The following POU4F2 variants were observed in gnomAD, a reference collection of about 807,000 sequenced individuals.
POU4F2 encodes POU domain, class 4, transcription factor 2.
A neutral mutation model predicts 21.5 loss-of-function variants in POU4F2; 10 were observed. The ratio of observed to expected loss-of-function variants is 0.46; its 90% CI spans 0.29 to 0.79. The LOEUF is 0.79. Among genes scored for constraint, POU4F2 ranks in the 30% least tolerant of loss-of-function variants. The pLI is 0.10. For synonymous variants in POU4F2, 324 were observed against 271.1 expected (o/e 1.20, Z -1.92); for missense variants, 623 against 603.3 (o/e 1.03, Z -0.34).
Position 146,640,185 on chromosome 4 carries a change from G to C in POU4F2, c.607G>C (p.Gly203Arg). ...GCACCTGAGTCCCGGGCTGGCCCTG[G>C]GCGCTATGGCGGGCCCCGACGGCGC... ...LEHLSPGLAL[G>R]AMAGPDGAVV... The change falls in exon 2 of 2, where the codon GGC (glycine) becomes CGC (arginine). Residue 203 changes from glycine to arginine, a missense_variant. Transcript: ENST00000281321. The surrounding 1 kb of genome is among the most constrained non-coding windows in gnomAD (Gnocchi z 4.8). The C allele has an allele frequency of 6.3e-7, 1 of 1,587,890 alleles. No individual in the cohort carries two copies. Among genetic ancestry groups the C allele is most frequent in the African/African-American group, 1.3e-5 (1 of 74,678 alleles).
In POU4F2 at chr4:146,639,213, A is replaced by G. The variant is rs756986974; in HGVS notation, c.73A>G (p.Lys25Glu). 6 of 1,606,732 alleles carry G rather than the reference A, an allele frequency of 3.7e-6. No homozygotes were observed. The highest frequency in any genetic ancestry group is 2.2e-5 in the South Asian group (2 of 90,114). The change falls in exon 1 of 2, where the codon AAG becomes GAG. Residue 25 changes from lysine to glutamate, a missense_variant. Transcript: ENST00000281321. ...PHGGSLHVEP[K>E]YSALHSTSPG... is the part of the protein sequence containing the mutation. ...CGGCGGCAGCCTGCACGTGGAGCCCAAGTACTCGGCACTGCACAGCACCTC... is the reference window on the plus strand; with the variant it reads ...CGGCGGCAGCCTGCACGTGGAGCCCGAGTACTCGGCACTGCACAGCACCTC...
chr4:146,640,627 C>G lies in POU4F2; in HGVS notation c.1049C>G (p.Thr350Arg). The G allele has an allele frequency of 2.5e-6, 4 of 1,614,232 alleles. No homozygotes were observed. The highest frequency in any genetic ancestry group is 3.4e-6 in the Non-Finnish European group (4 of 1,180,026). The change falls in exon 2 of 2, where the codon ACG becomes AGG. Residue 350 changes from threonine (T) to arginine (R), a missense_variant. Thr to Arg is a moderately conservative substitution (Grantham distance 71). Transcript: ENST00000281321. This position sits in a 1 kb window ranked among gnomAD's most constrained non-coding sequence, Gnocchi z 4.8. ...GGCGCGGAGAAGAAGCGCAAGCGCACGTCCATCGCTGCGCCAGAGAAGCGC... is the reference window on the plus strand; with the variant it reads ...GGCGCGGAGAAGAAGCGCAAGCGCAGGTCCATCGCTGCGCCAGAGAAGCGC... The part of the protein sequence containing the change: ...FNGAEKKRKR[T>R]SIAAPEKRSL...
Position 146,640,566 on chromosome 4 carries a change from C to T in POU4F2, c.988C>T (p.His330Tyr), listed in dbSNP as rs780725416. 4.3e-5 allele frequency: 69 copies of T among 1,613,660 alleles called. No individual in the cohort carries two copies. Among genetic ancestry groups the T allele is most frequent in the Non-Finnish European group, 5.8e-5 (68 of 1,179,758 alleles). The change falls in exon 2 of 2, where the codon CAC (histidine) becomes TAC (tyrosine). Residue 330 changes from histidine (H) to tyrosine (Y), a missense_variant. His to Tyr is a moderately conservative substitution (Grantham distance 83, BLOSUM62 2). Transcript: ENST00000281321. The surrounding 1 kb of genome is among the most constrained non-coding windows in gnomAD (Gnocchi z 4.8). ...ATGGCTCGAGGAGGCCGAGAAGTCC[C>T]ACCGCGAGAAGCTCACCAAGCCTGA... ...QAWLEEAEKSHREKLTKPELF... is the reference protein window; with the variant it reads ...QAWLEEAEKSYREKLTKPELF...
Position 146,642,297 on chromosome 4 carries a change from G to C in POU4F2, c.*1489G>C, listed in dbSNP as rs1017495852. On this transcript the variant is annotated 3_prime_UTR_variant, in exon 2 of 2. Transcript: ENST00000281321. Reference sequence around the variant, plus strand: ...GAGGCTCTCCAAAGTCTTGAGTTCTGTATATGGCCTGGTTTCTTGTTTTTA... The same window carrying C: ...GAGGCTCTCCAAAGTCTTGAGTTCTCTATATGGCCTGGTTTCTTGTTTTTA... The C allele has an allele frequency of 2.0e-5, 3 of 152,124 alleles. No homozygotes were observed. The highest frequency in any genetic ancestry group is 1.3e-4 in the Admixed American group (2 of 15,274). The allele number at this position is 152,124 out of a possible 1,614,324, so 9.4% of individuals were successfully genotyped here.
Position 146,642,032 on chromosome 4 carries a change from A to G in POU4F2, c.*1224A>G, listed in dbSNP as rs900359929. ...AGTTTTCAATTGCTTTGTTGGCTAC[A>G]TGTTAATATTTATAGGAATACTTCA... On this transcript the variant is annotated 3_prime_UTR_variant, in exon 2 of 2. Coordinates refer to ENST00000281321, the MANE Select transcript of POU4F2 (RefSeq NM_004575.3). 4 of 152,612 alleles carry G rather than the reference A, an allele frequency of 2.6e-5. No individual in the cohort carries two copies. The highest frequency in any genetic ancestry group is 7.2e-5 in the African/African-American group (3 of 41,446). The allele number at this position is 152,612 out of a possible 1,614,324, so 9.5% of individuals were successfully genotyped here. A position where few individuals can be genotyped will look rare whatever the true frequency, so the allele number is the denominator to read the frequency against.
In POU4F2 at chr4:146,639,338, C is replaced by CGGA. The variant is rs753272645; in HGVS notation, c.201_203dup (p.Gly68dup). 3.5e-6 allele frequency: 5 copies of CGGA among 1,441,046 alleles called. No homozygotes were observed. The highest frequency in any genetic ancestry group is 4.6e-6 in the Non-Finnish European group (5 of 1,084,572). The allele number at this position is 1,441,046 out of a possible 1,614,324, so 89.3% of individuals were successfully genotyped here. On this transcript the variant is annotated inframe_insertion, in exon 1 of 2. Transcript: ENST00000281321. ...GCGGCGGCGGCGGCGGCGGCGGCGG[C>CGGA]GGAGGCCGAAGCAGCAGCTCCAGCA... is the stretch of plus-strand genomic sequence containing the variant.
Position 146,639,177 on chromosome 4 carries a change from A to C in POU4F2, c.37A>C (p.Ser13Arg). The C allele has an allele frequency of 6.2e-7, 1 of 1,607,744 alleles. No individual in the cohort carries two copies. The highest frequency in any genetic ancestry group is 1.1e-5 in the South Asian group (1 of 90,218). The change falls in exon 1 of 2, where the codon AGC becomes CGC. Residue 13 changes from serine to arginine, a missense_variant. Ser to Arg is a moderately radical substitution (Grantham distance 110, BLOSUM62 -1). This residue lies in a region of POU4F2 where 94 missense variants were observed against 74.1 expected (regional missense o/e 1.27). Coordinates refer to ENST00000281321, the MANE Select transcript of POU4F2 (RefSeq NM_004575.3). ...GTCCCTGAACAGCAAGCAGGCGTTT[A>C]GCATGCCGCACGGCGGCAGCCTGCA... is the stretch of plus-strand genomic sequence containing the variant. Reference protein sequence around the residue: ...MMSLNSKQAFSMPHGGSLHVE... With the variant: ...MMSLNSKQAFRMPHGGSLHVE...
Position 146,640,911 on chromosome 4 carries a change from A to G in POU4F2, c.*103A>G. The G allele has an allele frequency of 2.4e-6, 3 of 1,249,050 alleles. No homozygotes were observed. The highest frequency in any genetic ancestry group is 3.2e-6 in the Non-Finnish European group (3 of 923,560). 77.4% of individuals were successfully genotyped at this position (1,249,050 alleles called of 1,614,324 possible). On this transcript the variant is annotated 3_prime_UTR_variant, in exon 2 of 2. Coordinates refer to ENST00000281321, the MANE Select transcript of POU4F2 (RefSeq NM_004575.3). This position sits in a 1 kb window ranked among gnomAD's most constrained non-coding sequence, Gnocchi z 4.8. ...TGGCGACTAGAAACAATTCCAGTAA[A>G]TGTGAATCTCGACAAATCGAGGACT...
At chr4:146,639,451 C>T (rs767468999) in intron 1 of POU4F2, 23 bp downstream of exon 1, 1 of 1,451,624 alleles carries the variant, frequency 6.9e-7, no homozygotes, top group South Asian at 1.6e-5. Context: ...GCATAATCAC[C>T]GCTTAAAGGC....
In POU4F2 at chr4:146,639,066, C is replaced by T. The variant is rs1247315971; in HGVS notation, c.-75C>T. 5 of 1,537,090 alleles carry T rather than the reference C, an allele frequency of 3.3e-6. No homozygotes were observed. The African/African-American group carries it at 5.8e-5, about 18-fold the overall frequency. ...TTCCCAGCTCCAGCCCCGGCTGGCC[C>T]GGCACTTCTCGGAGGGTCCCGGCAG... On this transcript the variant is annotated 5_prime_UTR_variant, in exon 1 of 2. Transcript: ENST00000281321.
rs1267711844 is a variant in POU4F2 at position 146,640,000 on chromosome 4, C to T, written c.422C>T (p.Thr141Ile). The change falls in exon 2 of 2, where the codon ACC (threonine) becomes ATC (isoleucine). Residue 141 changes from threonine (T) to isoleucine (I), a missense_variant. By Grantham distance (89) the Thr-to-Ile change is moderately conservative. Around this residue, in one of 3 missense-constraint regions of POU4F2, gnomAD observed 523 missense variants for 504.1 expected, o/e 1.04. Transcript: ENST00000281321. Reference protein sequence around the residue: ...PHHSPFKPDATYHTMNTIPCT... With the variant: ...PHHSPFKPDAIYHTMNTIPCT... ...CACAGCCCCTTCAAACCGGACGCCA[C>T]CTACCACACTATGAATACCATCCCG... is the stretch of plus-strand genomic sequence containing the variant. 6 of 1,612,648 alleles carry T rather than the reference C, an allele frequency of 3.7e-6. No individual in the cohort carries two copies. Among genetic ancestry groups the T allele is most frequent in the Non-Finnish European group, 5.1e-6 (6 of 1,179,866 alleles).
Position 146,641,371 on chromosome 4 carries a change from C to T in POU4F2, c.*563C>T, listed in dbSNP as rs926367864. ...TTATATATATATTTTTATTGTGGTTCTTACCCCCTTTTCCTTCTCTGAAGT... is the reference window on the plus strand; with the variant it reads ...TTATATATATATTTTTATTGTGGTTTTTACCCCCTTTTCCTTCTCTGAAGT... On this transcript the variant is annotated 3_prime_UTR_variant, in exon 2 of 2. Coordinates refer to ENST00000281321, the MANE Select transcript of POU4F2 (RefSeq NM_004575.3). The T allele has an allele frequency of 2.6e-5, 4 of 152,506 alleles. No individual in the cohort carries two copies. The highest frequency in any genetic ancestry group is 9.7e-5 in the African/African-American group (4 of 41,396). The allele number at this position is 152,506 out of a possible 1,614,324, so 9.4% of individuals were successfully genotyped here. A position where few individuals can be genotyped will look rare whatever the true frequency, so the allele number is the denominator to read the frequency against.
chr4:146,640,106 TCACCACCAC>T lies in POU4F2; in HGVS notation c.540_548del (p.His180_His182del), dbSNP rs746997301. ...CGGGCACGCACCACCACCACCACCA[TCACCACCAC>T]CACCACCACCAACCGCACCAGGCGC... On this transcript the variant is annotated inframe_deletion, in exon 2 of 2. Coordinates refer to ENST00000281321, the MANE Select transcript of POU4F2 (RefSeq NM_004575.3). This position sits in a 1 kb window ranked among gnomAD's most constrained non-coding sequence, Gnocchi z 4.8. The T allele has an allele frequency of 1.3e-6, 2 of 1,599,240 alleles. No homozygotes were observed. The highest frequency in any genetic ancestry group is 2.2e-5 in the East Asian group (1 of 44,634).
rs201496393 is a variant in POU4F2 at position 146,639,874 on chromosome 4, T to C, written c.296T>C (p.Ile99Thr). ...TTCTACTTACAATTGCAGAGCAATA[T>C]ATTCGGCGGGCTGGATGAGAGTCTG... ...RACLPTPPSN[I>T]FGGLDESLLA... The change falls in exon 2 of 2, where the codon ATA becomes ACA. Residue 99 changes from isoleucine to threonine, a missense_variant. This residue lies in a region of POU4F2 where 523 missense variants were observed against 504.1 expected (regional missense o/e 1.04). Transcript: ENST00000281321. 8 of 1,541,332 alleles carry C rather than the reference T, an allele frequency of 5.2e-6. No homozygotes were observed. The highest frequency in any genetic ancestry group is 7.0e-6 in the Non-Finnish European group (8 of 1,142,924).
Position 146,640,076 on chromosome 4 carries a change from G to C in POU4F2, c.498G>C (p.Ala166=). 1 of 1,606,098 alleles carries C rather than the reference G, an allele frequency of 6.2e-7. No homozygotes were observed. The highest frequency in any genetic ancestry group is 1.1e-5 in the South Asian group (1 of 91,054). ...CGGTGCCCATCTCGCACCCTTCCGC[G>C]TTGGCGGGCACGCACCACCACCACC... ...SSSVPISHPS[A]LAGTHHHHHH... is the part of the protein sequence containing the mutation. The change falls in exon 2 of 2, where the codon GCG becomes GCC. Residue 166 remains alanine (A), a synonymous_variant. Coordinates refer to ENST00000281321, the MANE Select transcript of POU4F2 (RefSeq NM_004575.3). This position sits in a 1 kb window ranked among gnomAD's most constrained non-coding sequence, Gnocchi z 4.8.
In POU4F2 at chr4:146,640,739, C is replaced by A. The variant is rs138240408; in HGVS notation, c.1161C>A (p.Asn387Lys). ...CGGAGAAGCTGGACCTGAAGAAAAA[C>A]GTGGTGCGCGTCTGGTTCTGCAACC... The part of the protein sequence containing the change: ...AIAEKLDLKK[N>K]VVRVWFCNQR... The change falls in exon 2 of 2, where the codon AAC becomes AAA. Residue 387 changes from asparagine to lysine, a missense_variant. By Grantham distance (94) the Asn-to-Lys change is moderately conservative (BLOSUM62 0). Coordinates refer to ENST00000281321, the MANE Select transcript of POU4F2 (RefSeq NM_004575.3). This position sits in a 1 kb window ranked among gnomAD's most constrained non-coding sequence, Gnocchi z 4.8. The A allele has an allele frequency of 8.8e-4, 1,417 of 1,613,918 alleles. 2 individuals are homozygous for A. The highest frequency in any genetic ancestry group is 2.2e-3 in the Admixed American group (130 of 59,910).
chr4:146,639,225 C>A lies in POU4F2; in HGVS notation c.85C>A (p.Leu29Met). 6.3e-7 allele frequency: 1 copy of A among 1,598,106 alleles called. No homozygotes were observed. Among genetic ancestry groups the A allele is most frequent in the Non-Finnish European group, 8.5e-7 (1 of 1,173,856 alleles). Reference protein sequence around the residue: ...SLHVEPKYSALHSTSPGSSAP... With the variant: ...SLHVEPKYSAMHSTSPGSSAP... ...GCACGTGGAGCCCAAGTACTCGGCA[C>A]TGCACAGCACCTCGCCGGGCTCCTC... Residue 29 changes from leucine to methionine, a missense_variant, in exon 1 of 2, where the codon CTG becomes ATG. Coordinates refer to ENST00000281321, the MANE Select transcript of POU4F2 (RefSeq NM_004575.3).
rs1335270220 is a variant in POU4F2, at chr4:146,639,104, A to G, written c.-37A>G. The stretch of plus-strand genomic sequence containing the variant: ...AGGGTCCCGGCAGCCGGGACCAGTG[A>G]GTGCCTCTACGGACCAGCGCCCCGG... On this transcript the variant is annotated 5_prime_UTR_variant, in exon 1 of 2. Transcript: ENST00000281321. 2 of 1,589,546 alleles carry G rather than the reference A, an allele frequency of 1.3e-6. No homozygotes were observed. The highest frequency in any genetic ancestry group is 2.8e-5 in the African/African-American group (2 of 72,566).
In POU4F2 at chr4:146,642,342, C is replaced by T. The variant is rs991775613; in HGVS notation, c.*1534C>T. 5.3e-5 allele frequency: 8 copies of T among 152,060 alleles called. No homozygotes were observed. Among genetic ancestry groups the T allele is most frequent in the Admixed American group, 1.3e-4 (2 of 15,264 alleles). The allele number at this position is 152,060 out of a possible 1,614,324, so 9.4% of individuals were successfully genotyped here. ...TTTTTATTAATAGATGGTTTATTTA[C>T]TATGGTAATGTATTAATTTATTTTT... is the stretch of plus-strand genomic sequence containing the variant. On this transcript the variant is annotated 3_prime_UTR_variant, in exon 2 of 2. Transcript: ENST00000281321.
Sources: gnomAD v4.1 joint callset for allele counts on GRCh38, gnomAD v4.1.1 for gene constraint, gnomAD v4.1.1 regional missense constraint, Gnocchi (gnomAD v3.1) non-coding constraint, MANE v1.5 for transcripts, NCBI Gene and HGNC (gene_info 2026-07-23, HGNC 2026-07-21) for gene names.